Variants in CDH23 observed in about 807,000 individuals in gnomAD.
The protein encoded by CDH23 is cadherin related 23, also known as cadherin-23.
In CDH23, 189 loss-of-function variants were observed where a neutral mutation model predicts 317.1. The ratio of observed to expected loss-of-function variants is 0.60; its 90% CI spans 0.53 to 0.67. The LOEUF is 0.67. CDH23 is among the 30% of genes least tolerant of loss of function. The pLI, the probability that CDH23 is intolerant of heterozygous loss-of-function variation, is 0.00. For synonymous variants in CDH23, 1,839 were observed against 1,876.8 expected, an observed-to-expected ratio of 0.98 and a Z score of 0.52; for missense variants, 4,401 against 4,592.4, an observed-to-expected ratio of 0.96 and a Z score of 1.20.
intron 6 of CDH23, among the ~76,000 whole-genome samples, chr10:71,545,440 A>C (rs1715069026): frequency 6.6e-6 from 1 of 152,202 alleles, no homozygotes; most frequent in Non-Finnish European, 1.5e-5. Context: ...TGTCCCCTGC[A>C]GGGGCTGATT....
At chr10:71,774,816 C>T (rs1840780713) in intron 38 of CDH23, among the ~76,000 whole-genome samples, 1 of 152,174 alleles carries the variant, frequency 6.6e-6, no homozygotes, top group Non-Finnish European at 1.5e-5. Context: ...AGAGGACACT[C>T]AGAGTCTGAC....
Position 71,706,882 on chromosome 10 carries a change from C to G in CDH23, c.2954-15C>G. 2 of 1,583,470 alleles carry G rather than the reference C, an allele frequency of 1.3e-6. No individual in the cohort carries two copies. The highest frequency in any genetic ancestry group is 1.7e-6 in the Non-Finnish European group (2 of 1,164,406). On this transcript the variant is annotated splice_polypyrimidine_tract_variant and intron_variant, in intron 25 of 69. Transcript: ENST00000224721. The stretch of plus-strand genomic sequence containing the variant: ...AGAAGCCAGGCCTAGCCCCGGCGCC[C>G]GTTCTGCCCCGCAGTGCTGGATGTG...
At chr10:71,624,214 G>A (rs1291929875) in intron 11 of CDH23, among the ~76,000 whole-genome samples, 1 of 152,184 alleles carries the variant, frequency 6.6e-6, no homozygotes. Context: ...TTCAAGCAGA[G>A]GGACTTGGGC....
intron 61 of CDH23, 89 bp downstream of exon 61, chr10:71,810,165 G>A: frequency 6.6e-7 from 1 of 1,504,716 alleles, no homozygotes; most frequent in Non-Finnish European, 9.1e-7. Flanking sequence ...ATTGTGCAAA[G>A]GCCAGGGCGT....
intron 38 of CDH23, among the ~76,000 whole-genome samples, chr10:71,769,996 G>A (rs1007169508): frequency 2.0e-5 from 3 of 152,146 alleles, no homozygotes; most frequent in Non-Finnish European, 1.5e-5. Context: ...CACCTCCATG[G>A]GCATTTCAGA....
intron 36 of CDH23, 126 bp from the exon 37 acceptor site, chr10:71,740,696 G>A (rs1589389355): frequency 7.4e-7 from 1 of 1,353,664 alleles, no homozygotes; most frequent in East Asian, 2.4e-5. Flanking sequence ...GCCACCCAGG[G>A]GTTCTCAGTG....
At chr10:71,524,191 C>T (rs1219380212) in intron 6 of CDH23, among the ~76,000 whole-genome samples, 1 of 152,220 alleles carries the variant, frequency 6.6e-6, no homozygotes, top group East Asian at 1.9e-4. Context: ...ACTGTGAGCT[C>T]TGTGAAAGCA....
intron 6 of CDH23, among the ~76,000 whole-genome samples, chr10:71,520,732 T>A (rs1279470907): frequency 6.6e-6 from 1 of 152,186 alleles, no homozygotes; most frequent in Admixed American, 6.5e-5. Flanking sequence ...ACCAGCACAC[T>A]GCTATTGTTT....
chr10:71,731,891 G>A, intron 31 of CDH23, 96 bp from the exon 32 acceptor site: 1 of 1,369,344 alleles, frequency 7.3e-7, no homozygotes. Flanking sequence ...TGCTGGGTGG[G>A]CCACCCAGGG....
intron 3 of CDH23, among the ~76,000 whole-genome samples, chr10:71,488,299 A>G (rs978275793): frequency 6.6e-6 from 1 of 152,220 alleles, no homozygotes; most frequent in Non-Finnish European, 1.5e-5. Context: ...TTGGCCTGGC[A>G]CCTTCTCCTG....
Position 71,805,943 on chromosome 10 carries a change from C to T in CDH23, c.8010C>T (p.Ser2670=), listed in dbSNP as rs771141721. The T allele has an allele frequency of 6.2e-6, 10 of 1,608,600 alleles. No individual in the cohort carries two copies. Among genetic ancestry groups the T allele is most frequent in the African/African-American group, 2.7e-5 (2 of 74,654 alleles). ...AGTTCTTCATCATCGACCCAATCAG[C>T]GGCCTCATCCAGACTGCTCAGCGCC... ...DWEFFIIDPI[S]GLIQTAQRLD... is the part of the protein sequence containing the mutation. The change falls in exon 56 of 70, where the codon AGC becomes AGT. Residue 2670 remains serine (S), a synonymous_variant. Coordinates refer to ENST00000224721, the MANE Select transcript of CDH23 (RefSeq NM_022124.6).
intron 14 of CDH23, chr10:71,646,886 G>A: frequency 1.4e-6 from 2 of 1,429,494 alleles, no homozygotes; most frequent in Non-Finnish European, 1.8e-6. Flanking sequence ...CCCCGAGAGA[G>A]ACTCAGTGAG....
chr10:71,526,305 C>T (rs1271203255), intron 6 of CDH23, among the ~76,000 whole-genome samples: 1 of 152,238 alleles, frequency 6.6e-6, no homozygotes, highest in Non-Finnish European at 1.5e-5. Context: ...GCCCCCACTG[C>T]AGCATCCAGC....
chr10:71,556,725 C>T (rs1856894686), intron 6 of CDH23, among the ~76,000 whole-genome samples: 1 of 152,176 alleles, frequency 6.6e-6, no homozygotes, highest in South Asian at 2.1e-4. Flanking sequence ...TACAGCTCAG[C>T]TTATAATAAA....
rs1311319087 is a variant in CDH23, at chr10:71,793,324, C to G, written c.6396C>G (p.Ile2132Met). The G allele has an allele frequency of 1.9e-6, 3 of 1,613,972 alleles. No individual in the cohort carries two copies. Among genetic ancestry groups the G allele is most frequent in the Non-Finnish European group, 2.5e-6 (3 of 1,179,892 alleles). ...TGVIRVGNATIDREEQESYRL... is the reference protein window; with the variant it reads ...TGVIRVGNATMDREEQESYRL... ...TCATCCGTGTTGGTAATGCCACCAT[C>G]GACAGAGAGGAGCAGGAGTCCTACA... Residue 2132 changes from isoleucine to methionine, a missense_variant, in exon 48 of 70, where the codon ATC becomes ATG. This residue lies in a region of CDH23 where 3,068 missense variants were observed against 3,203.3 expected (regional missense o/e 0.96). Coordinates refer to ENST00000224721, the MANE Select transcript of CDH23 (RefSeq NM_022124.6).
chr10:71,662,503 G>A (rs1863717973), intron 14 of CDH23, among the ~76,000 whole-genome samples: 2 of 152,164 alleles, frequency 1.3e-5, no homozygotes, highest in Admixed American at 1.3e-4. Flanking sequence ...ACACTGGGAA[G>A]ATGCTGTCAT....
intron 3 of CDH23, among the ~76,000 whole-genome samples, chr10:71,505,536 A>G (rs565731446): frequency 6.6e-6 from 1 of 152,292 alleles, no homozygotes; most frequent in East Asian, 1.9e-4. Flanking sequence ...TGCTGTGTTT[A>G]GGAGGAGCAG....
chr10:71,695,390 T>C (rs1168443335), intron 21 of CDH23, 28 bp from the exon 22 acceptor site: 1 of 1,506,470 alleles, frequency 6.6e-7, no homozygotes, highest in East Asian at 2.2e-5. Flanking sequence ...GCTGGGTGTG[T>C]CTCCCAGCGC....
Position 71,578,001 on chromosome 10 carries a change from G to A in CDH23, c.832+9G>A, listed in dbSNP as rs1433705458. 3 of 1,588,202 alleles carry A rather than the reference G, an allele frequency of 1.9e-6. No individual in the cohort carries two copies. In the South Asian group the frequency reaches 3.5e-5, roughly 18 times the overall value. On this transcript the variant is annotated intron_variant, in intron 9 of 69. Transcript: ENST00000224721. ...CTACACCATCGTTTCAGGTAAGACA[G>A]AAGGCTGCCCCTCTCTCCTCTCACC...
Sources: gnomAD v4.1 joint callset for allele counts (sites outside exome capture counted in the v4.1 genomes callset) on GRCh38, gnomAD v4.1.1 for gene constraint, gnomAD v4.1.1 regional missense constraint, MANE v1.5 for transcripts, NCBI Gene and HGNC (gene_info 2026-07-23, HGNC 2026-07-21) for gene names.